Variants in STX8 observed in about 807,000 individuals in gnomAD.
The protein encoded by STX8 is syntaxin 8.
A neutral mutation model predicts 37.5 loss-of-function variants in STX8; 23 were observed. The ratio of observed to expected loss-of-function variants is 0.61; its 90% confidence interval spans 0.44 to 0.87. STX8 has a LOEUF of 0.87. Ranked by LOEUF, STX8 falls within the 40% of genes least tolerant of loss-of-function variation. The pLI, the probability that STX8 is intolerant of heterozygous loss-of-function variation, is 0.00. For missense variants in STX8, 313 were observed against 284.7 expected, an observed-to-expected ratio of 1.10 and a Z score of -0.71; for synonymous variants, 115 against 99.1, an observed-to-expected ratio of 1.16 and a Z score of -0.95.
At chr17:9,317,034 A>C (rs1909407422) in intron 7 of STX8, among the ~76,000 whole-genome samples, 1 of 152,120 alleles carries the variant, frequency 6.6e-6, no homozygotes, top group South Asian at 2.1e-4. Context: ...AGGTGTCTAT[A>C]AGATTTCTGT....
intron 4 of STX8, among the ~76,000 whole-genome samples, chr17:9,514,374 G>T (rs758681847): frequency 6.6e-6 from 1 of 152,126 alleles, no homozygotes; most frequent in Non-Finnish European, 1.5e-5. Context: ...GGAGGCCAAC[G>T]CAGGTGGATC....
intron 6 of STX8, among the ~76,000 whole-genome samples, chr17:9,397,464 C>T (rs1912443467): frequency 6.6e-6 from 1 of 152,114 alleles, no homozygotes; most frequent in African/African-American, 2.4e-5. Flanking sequence ...CAAACTCTCA[C>T]TGTTGGAATG....
chr17:9,419,733 C>T (rs181260541), intron 6 of STX8, among the ~76,000 whole-genome samples: 1 of 152,238 alleles, frequency 6.6e-6, no homozygotes, highest in East Asian at 1.9e-4. Context: ...GTTTCCTGAG[C>T]CCATAGAGCT....
chr17:9,384,232 T>C (rs541174757), intron 6 of STX8, among the ~76,000 whole-genome samples: 1 of 152,304 alleles, frequency 6.6e-6, no homozygotes, highest in South Asian at 2.1e-4. Context: ...TACAGAATTT[T>C]ATACATTGAA....
At chr17:9,418,400 G>T (rs138888684) in intron 6 of STX8, among the ~76,000 whole-genome samples, 9 of 152,016 alleles carry the variant, frequency 5.9e-5, no homozygotes, top group South Asian at 4.2e-4. Context: ...TCCCCATTAG[G>T]AGATGGTTCT....
chr17:9,563,002 A>T (rs183363675), intron 2 of STX8, among the ~76,000 whole-genome samples: 1 of 152,290 alleles, frequency 6.6e-6, no homozygotes, highest in African/African-American at 2.4e-5. Context: ...CTTAGGAGAC[A>T]GGTTAAATAA....
At chr17:9,315,300 A>G (rs945350784) in intron 7 of STX8, among the ~76,000 whole-genome samples, 1 of 152,044 alleles carries the variant, frequency 6.6e-6, no homozygotes, top group African/African-American at 2.4e-5. Flanking sequence ...CAACAAAAAA[A>G]AAAAACAAGC....
At chr17:9,252,443 C>CA (rs763729858) in intron 7 of STX8, among the ~76,000 whole-genome samples, 4,912 of 125,582 alleles carry the variant, frequency 0.039, 263 homozygotes, top group African/African-American at 0.13. Flanking sequence ...GACTCTGTCT[C>CA]AAAAAAAAAA....
chr17:9,291,475 T>C (rs190479271), intron 7 of STX8, among the ~76,000 whole-genome samples: 26 of 151,816 alleles, frequency 1.7e-4, no homozygotes, highest in Admixed American at 4.6e-4. Context: ...GTTTCTTTCC[T>C]TTCCTATTAA....
intron 7 of STX8, among the ~76,000 whole-genome samples, chr17:9,285,499 T>C (rs1171847110): frequency 1.3e-5 from 2 of 151,884 alleles, no homozygotes; most frequent in African/African-American, 4.8e-5. Context: ...AATACCACAT[T>C]TCCTGGTCTG....
intron 7 of STX8, among the ~76,000 whole-genome samples, chr17:9,292,427 CT>C (rs1908346145): frequency 6.6e-6 from 1 of 152,210 alleles, no homozygotes; most frequent in Admixed American, 6.5e-5. Flanking sequence ...ATTTATGGTG[CT>C]TTTCTAAGCC....
chr17:9,328,623 T>C (rs548082698), intron 7 of STX8, among the ~76,000 whole-genome samples: 1 of 152,172 alleles, frequency 6.6e-6, no homozygotes, highest in Non-Finnish European at 1.5e-5. Flanking sequence ...AGTTGTACTG[T>C]TCAGGGTCAA....
chr17:9,252,013 T>C (rs11869111), intron 7 of STX8, among the ~76,000 whole-genome samples: 1 of 148,664 alleles, frequency 6.7e-6, no homozygotes, highest in Non-Finnish European at 1.5e-5. Context: ...AAAATATATT[T>C]AAAAAAATAG....
intron 6 of STX8, among the ~76,000 whole-genome samples, chr17:9,406,548 G>C (rs756757208): frequency 6.6e-6 from 1 of 152,052 alleles, no homozygotes; most frequent in African/African-American, 2.4e-5. Flanking sequence ...CTTTCCATTT[G>C]TTTACATTTC....
chr17:9,556,784 TATATATATATACACATAC>T (rs1321220618), intron 3 of STX8: 17 of 23,248 alleles, frequency 7.3e-4, no homozygotes, highest in African/African-American at 2.9e-3. Flanking sequence ...TATATATATA[TATATATATATACACATAC>T]ATATATATAT....
At chr17:9,341,419 C>T (rs760792110) in intron 7 of STX8, among the ~76,000 whole-genome samples, 2 of 152,064 alleles carry the variant, frequency 1.3e-5, no homozygotes, top group Admixed American at 6.6e-5. Flanking sequence ...GTAGAGTAGT[C>T]GCCACAAGAC....
rs756855709 is a variant in STX8 at position 9,288,675 on chromosome 17, A to AAAATAAAATAAAT, written c.644-38031_644-38030insATTTATTTTATTT. 3.4e-3 allele frequency among the ~76,000 whole-genome samples: 511 copies of AAAATAAAATAAAT among 151,032 alleles called. 3 individuals are homozygous for AAAATAAAATAAAT. Among genetic ancestry groups the AAAATAAAATAAAT allele is most frequent in the African/African-American group, 0.011 (466 of 41,184 alleles). On this transcript the variant is annotated intron_variant, in intron 7 of 7. Transcript: ENST00000306357. ...AGACTCCGTCTCGAAATAAATAAAT[A>AAAATAAAATAAAT]AAATAAATAAATAAATAAATAAATA...
At chr17:9,568,300 G>A in intron 2 of STX8, 71 bp downstream of exon 2, 1 of 1,167,968 alleles carries the variant, frequency 8.6e-7, no homozygotes, top group South Asian at 1.3e-5. Flanking sequence ...CAGCCTCAAA[G>A]AAAGATAGGA....
chr17:9,455,861 A>G (rs1228477280), intron 6 of STX8, among the ~76,000 whole-genome samples: 1 of 152,194 alleles, frequency 6.6e-6, no homozygotes, highest in Non-Finnish European at 1.5e-5. Flanking sequence ...AAACTTTACA[A>G]CTTGCTACTA....
Sources: allele counts gnomAD v4.1 joint callset (sites outside exome capture counted in the v4.1 genomes callset), GRCh38; gene constraint gnomAD v4.1.1; transcripts MANE v1.5; gene names NCBI Gene and HGNC (gene_info 2026-07-23, HGNC 2026-07-21).